BIRC6: variants seen among roughly 807,000 people sequenced by gnomAD.
The protein encoded by BIRC6 is dual E2 ubiquitin-conjugating enzyme/E3 ubiquitin-protein ligase BIRC6.
In BIRC6, 98 loss-of-function variants were observed where a neutral mutation model predicts 503.3. The observed-to-expected ratio is 0.19, with a 90% confidence interval of 0.17 to 0.23. The LOEUF (loss-of-function observed/expected upper bound fraction) is 0.23. Among genes scored for constraint, BIRC6 ranks in the 10% least tolerant of loss-of-function variants. BIRC6 has a pLI of 1.00. For synonymous variants in BIRC6, 2,240 were observed against 2,078.7 expected, an observed-to-expected ratio of 1.08 and a Z score of -2.11; for missense variants, 5,360 against 5,806.0, an observed-to-expected ratio of 0.92 and a Z score of 2.50.
rs570896700 is a variant in BIRC6, at chr2:32,439,494, C to T, written c.3632-14C>T. ...TGATTCAGTTATTTTCCCCATTCTA[C>T]TCCACTTCTCTAGGTATGGCAGGAG... is the stretch of plus-strand genomic sequence containing the variant. On this transcript the variant is annotated splice_polypyrimidine_tract_variant and intron_variant, in intron 15 of 73. Transcript: ENST00000421745. 1.9e-6 allele frequency: 3 copies of T among 1,608,294 alleles called. No individual in the cohort carries two copies. The South Asian group carries it at 3.3e-5, about 18-fold the overall frequency.
chr2:32,372,303 C>T (rs998832589), intron 1 of BIRC6, among the ~76,000 whole-genome samples: 1 of 152,058 alleles, frequency 6.6e-6, no homozygotes, highest in Non-Finnish European at 1.5e-5. Flanking sequence ...TCACATCTTC[C>T]CTTTACCACT....
At chr2:32,386,523 A>G (rs982561755) in intron 3 of BIRC6, among the ~76,000 whole-genome samples, 54 of 147,582 alleles carry the variant, frequency 3.7e-4, no homozygotes, top group African/African-American at 1.3e-3. Flanking sequence ...GGCTTACTGT[A>G]GCCTTGCCGT....
intron 55 of BIRC6, among the ~76,000 whole-genome samples, chr2:32,516,363 A>G (rs2055035706): frequency 1.3e-5 from 2 of 152,010 alleles, no homozygotes; most frequent in South Asian, 4.2e-4. Context: ...AAAATACAAA[A>G]AAATTAGCCG....
chr2:32,407,597 TAAATC>T (rs2041384258), intron 9 of BIRC6, among the ~76,000 whole-genome samples: 1 of 152,156 alleles, frequency 6.6e-6, no homozygotes, highest in South Asian at 2.1e-4. Flanking sequence ...ATATATAACT[TAAATC>T]TTTTTAGAAG....
intron 65 of BIRC6, chr2:32,563,240 G>A (rs537543434): frequency 1.3e-5 from 2 of 152,310 alleles, no homozygotes; most frequent in East Asian, 1.9e-4. Flanking sequence ...TTATAAAGCA[G>A]TGCAAATGGT....
chr2:32,430,391 T>G (rs2043961937), intron 11 of BIRC6, among the ~76,000 whole-genome samples: 1 of 152,240 alleles, frequency 6.6e-6, no homozygotes, highest in Non-Finnish European at 1.5e-5. Context: ...TTTTTCAGTT[T>G]GTAAGTATTT....
At chr2:32,585,384 G>GT (rs571780668) in intron 66 of BIRC6, among the ~76,000 whole-genome samples, 13,393 of 142,976 alleles carry the variant, frequency 0.094, 686 homozygotes, top group Middle Eastern at 0.14. Flanking sequence ...TGGTTCTTTT[G>GT]TTTTTTTTTT....
intron 1 of BIRC6, among the ~76,000 whole-genome samples, chr2:32,364,531 G>A (rs558825438): frequency 8.6e-5 from 13 of 152,012 alleles, no homozygotes; most frequent in African/African-American, 3.1e-4. Flanking sequence ...GTGAGCCACC[G>A]TGCCCAGCCC....
At chr2:32,587,766 T>TA (rs1272215803) in intron 66 of BIRC6, among the ~76,000 whole-genome samples, 1 of 152,176 alleles carries the variant, frequency 6.6e-6, no homozygotes, top group Non-Finnish European at 1.5e-5. Context: ...TTTGATAATT[T>TA]AAAAAATACA....
At chr2:32,551,418 G>A (rs2058413236) in intron 65 of BIRC6, among the ~76,000 whole-genome samples, 1 of 152,096 alleles carries the variant, frequency 6.6e-6, no homozygotes, top group Admixed American at 6.6e-5. Flanking sequence ...GAGTAGGTGG[G>A]ATTACAGACA....
chr2:32,450,966 T>G (rs1425282573), intron 22 of BIRC6, among the ~76,000 whole-genome samples: 1 of 152,222 alleles, frequency 6.6e-6, no homozygotes, highest in South Asian at 2.1e-4. Context: ...TGTAGTTGGT[T>G]GAATCCATGG....
Position 32,499,902 on chromosome 2 carries a change from G to C in BIRC6, c.8824G>C (p.Ala2942Pro). The C allele has an allele frequency of 6.2e-7, 1 of 1,614,056 alleles. No homozygotes were observed. The highest frequency in any genetic ancestry group is 1.7e-5 in the Admixed American group (1 of 60,032). The change falls in exon 46 of 74, where the codon GCA becomes CCA. Residue 2942 changes from alanine (A) to proline (P), a missense_variant. Ala to Pro is a conservative substitution (Grantham distance 27). Coordinates refer to ENST00000421745, the MANE Select transcript of BIRC6 (RefSeq NM_016252.4). ...LPLSGNREYS[A>P]RVSVTTNTTD... ...TCTTTCAGGCAATAGGGAATACAGT[G>C]CAAGAGTGTCTGTGACCACAAATAC... is the stretch of plus-strand genomic sequence containing the variant.
Position 32,408,497 on chromosome 2 carries a change from T to C in BIRC6, c.1477+1940T>C, listed in dbSNP as rs185427304. On this transcript the variant is annotated intron_variant, in intron 9 of 73. Coordinates refer to ENST00000421745, the MANE Select transcript of BIRC6 (RefSeq NM_016252.4). ...TTCAGTTTTTCCTTTGTAAAGTGTT[T>C]GCTATGTTAAGTTTTTTTTGATTGT... 1.5e-4 allele frequency among the ~76,000 whole-genome samples: 23 copies of C among 152,288 alleles called. 1 individual carries two copies. The East Asian group carries it at 3.3e-3, about 22-fold the overall frequency.
rs1184584100 is a variant in BIRC6, at chr2:32,397,604, GTA to G, written c.1034+2017_1034+2018del. On this transcript the variant is annotated intron_variant, in intron 6 of 73. Transcript: ENST00000421745. ...TGTGTGTGTGTGTGTGTGTGTGTGT[GTA>G]TATATGTGTGTATATATATATATGT... Among the ~76,000 whole-genome samples, 599 of 112,024 alleles carry G rather than the reference GTA, an allele frequency of 5.3e-3. 7 individuals are homozygous for G. The highest frequency in any genetic ancestry group is 0.031 in the Admixed American group (356 of 11,606). 73.5% of individuals were successfully genotyped at this position (112,024 alleles called of 152,430 possible). A position where few individuals can be genotyped will look rare whatever the true frequency, so the allele number is the denominator to read the frequency against.
chr2:32,410,101 C>T (rs757223215), intron 9 of BIRC6, among the ~76,000 whole-genome samples: 1 of 152,088 alleles, frequency 6.6e-6, no homozygotes. Context: ...TTTATTTTGT[C>T]ATAGTATATA....
At chr2:32,433,132 T>G (rs1027823794) in intron 12 of BIRC6, among the ~76,000 whole-genome samples, 2 of 152,214 alleles carry the variant, frequency 1.3e-5, no homozygotes, top group Non-Finnish European at 2.9e-5. Flanking sequence ...AAATGAAGTT[T>G]CTGTTTACTG....
chr2:32,554,523 C>T (rs1194125214), intron 65 of BIRC6, among the ~76,000 whole-genome samples: 1 of 152,086 alleles, frequency 6.6e-6, no homozygotes, highest in Admixed American at 6.6e-5. Flanking sequence ...GTAAGGTAGA[C>T]ATGAGAGAGC....
Position 32,525,039 on chromosome 2 carries a change from T to C in BIRC6, c.11755+20T>C. ...CCTCTGGTATGCTTTCTATTTTTTA[T>C]AATCTTGATTTTGTTTGGGTTTCTA... On this transcript the variant is annotated intron_variant, in intron 58 of 73. Coordinates refer to ENST00000421745, the MANE Select transcript of BIRC6 (RefSeq NM_016252.4). 1 of 1,474,446 alleles carries C rather than the reference T, an allele frequency of 6.8e-7. No homozygotes were observed. The highest frequency in any genetic ancestry group is 8.9e-7 in the Non-Finnish European group (1 of 1,118,058). The allele number at this position is 1,474,446 out of a possible 1,614,324, so 91.3% of individuals were successfully genotyped here.
intron 65 of BIRC6, among the ~76,000 whole-genome samples, chr2:32,552,751 C>T (rs960572796): frequency 8.6e-5 from 13 of 151,878 alleles, no homozygotes; most frequent in African/African-American, 4.8e-5. Context: ...AAGCCAAGAT[C>T]GTGCCACTGC....
Sources: allele counts gnomAD v4.1 joint callset (sites outside exome capture counted in the v4.1 genomes callset), GRCh38; gene constraint gnomAD v4.1.1; transcripts MANE v1.5; gene names NCBI Gene and HGNC (gene_info 2026-07-23, HGNC 2026-07-21).